OTUB2: variants seen among roughly 807,000 people sequenced by gnomAD.
OTUB2 encodes the protein OTU deubiquitinase, ubiquitin aldehyde binding 2.
Under a neutral mutation model 25.1 loss-of-function variants are expected in OTUB2, and 21 were observed. The ratio of observed to expected loss-of-function variants is 0.84; its 90% CI spans 0.59 to 1.21. The LOEUF is 1.21. Among genes scored for constraint, OTUB2 ranks in the 50% most tolerant of loss-of-function variants. OTUB2 has a pLI of 0.00. For missense variants in OTUB2, 283 were observed against 298.0 expected (o/e 0.95, Z 0.37); for synonymous variants, 122 against 122.8 (o/e 0.99, Z 0.04).
At chr14:94,042,096 A>C (rs1224962849) in intron 3 of OTUB2, among the ~76,000 whole-genome samples, 8 of 152,238 alleles carry the variant, frequency 5.3e-5, no homozygotes, top group African/African-American at 1.4e-4. Flanking sequence ...TGCTTGTTCC[A>C]GCCCTGTATC....
At chr14:94,037,290 G>A (rs1885073112) in intron 1 of OTUB2, 90 bp from the exon 2 acceptor site, 4 of 822,094 alleles carry the variant, frequency 4.9e-6, no homozygotes, top group Non-Finnish European at 8.0e-6. Flanking sequence ...ATTGTTGTCT[G>A]TAACCGGCAG....
chr14:94,041,564 T>C (rs765973054), intron 3 of OTUB2, among the ~76,000 whole-genome samples: 3 of 152,106 alleles, frequency 2.0e-5, no homozygotes, highest in Non-Finnish European at 4.4e-5. Flanking sequence ...TGCATCTTCT[T>C]AACACAAAAA....
intron 1 of OTUB2, among the ~76,000 whole-genome samples, chr14:94,026,775 G>A (rs1884871006): frequency 6.6e-6 from 1 of 152,262 alleles, no homozygotes. Flanking sequence ...TCGGCCCCGA[G>A]CCCCCGCCCC....
rs1885301286 is a variant in OTUB2 at position 94,047,497 on chromosome 14, T to C, written c.*1575T>C. 6.6e-6 allele frequency: 1 copy of C among 152,228 alleles called. No homozygotes were observed. Among genetic ancestry groups the C allele is most frequent in the African/African-American group, 2.4e-5 (1 of 41,462 alleles). The allele number at this position is 152,228 out of a possible 1,614,324, so 9.4% of individuals were successfully genotyped here. A position where few individuals can be genotyped will look rare whatever the true frequency, so the allele number is the denominator to read the frequency against. On this transcript the variant is annotated 3_prime_UTR_variant, in exon 6 of 6. Transcript: ENST00000203664. ...ATTATGTCACTTTTTCACAGGAATG[T>C]AAATTTGACTGTCACCTCTGAATTT...
At chr14:94,036,018 T>C (rs1885048863) in intron 1 of OTUB2, among the ~76,000 whole-genome samples, 2 of 152,210 alleles carry the variant, frequency 1.3e-5, no homozygotes. Flanking sequence ...CATTTAGGCC[T>C]CATTATCTAA....
intron 1 of OTUB2, among the ~76,000 whole-genome samples, chr14:94,032,305 G>A (rs1426758770): frequency 6.6e-6 from 1 of 152,156 alleles, no homozygotes; most frequent in Non-Finnish European, 1.5e-5. Context: ...CTCTTAAATA[G>A]TGTGGAGTAA....
chr14:94,026,595 G>T, intron 1 of OTUB2, 55 bp downstream of exon 1: 1 of 1,214,334 alleles, frequency 8.2e-7, no homozygotes, highest in South Asian at 3.9e-5. Flanking sequence ...GCGGTGGGCG[G>T]GGTCGCTGCC....
intron 1 of OTUB2, among the ~76,000 whole-genome samples, chr14:94,034,911 G>A (rs1265051457): frequency 6.6e-6 from 1 of 152,224 alleles, no homozygotes; most frequent in East Asian, 1.9e-4. Flanking sequence ...TGCAAGGGAG[G>A]CTAGGAAAAT....
intron 1 of OTUB2, among the ~76,000 whole-genome samples, chr14:94,033,471 A>C (rs150292578): frequency 1.8e-3 from 270 of 152,222 alleles, no homozygotes; most frequent in African/African-American, 6.3e-3. Context: ...CTCCTCAGAC[A>C]CCCTGCAGAG....
rs1223979822 is a variant in OTUB2, at chr14:94,026,344, C to A, written c.-194C>A. ...CCCGCCTGAGACGTCAATCGCAGGG[C>A]GTGTGTCTTGCTGGGACACAGTGGA... On this transcript the variant is annotated 5_prime_UTR_variant, in exon 1 of 6. Transcript: ENST00000203664. 5 of 1,225,250 alleles carry A rather than the reference C, an allele frequency of 4.1e-6. No individual in the cohort carries two copies. Among genetic ancestry groups the A allele is most frequent in the East Asian group, 6.4e-5 (2 of 31,330 alleles). The allele number at this position is 1,225,250 out of a possible 1,614,324, so 75.9% of individuals were successfully genotyped here. A position where few individuals can be genotyped will look rare whatever the true frequency, so the allele number is the denominator to read the frequency against.
chr14:94,033,863 C>T (rs1885003245), intron 1 of OTUB2, among the ~76,000 whole-genome samples: 1 of 152,138 alleles, frequency 6.6e-6, no homozygotes, highest in Non-Finnish European at 1.5e-5. Context: ...AGTATGAGGG[C>T]CAAATTAATT....
At chr14:94,034,391 GAATGTTCCTTTGTGTTTA>G (rs1885012633) in intron 1 of OTUB2, among the ~76,000 whole-genome samples, 1 of 152,192 alleles carries the variant, frequency 6.6e-6, no homozygotes, top group South Asian at 2.1e-4. Flanking sequence ...GCCCTGTGTG[GAATGTTCCTTTGTGTTTA>G]GCAGCCTTGG....
At chr14:94,037,527 G>T in intron 2 of OTUB2, 52 bp downstream of exon 2, 2 of 1,384,554 alleles carry the variant, frequency 1.4e-6, no homozygotes, top group African/African-American at 1.4e-5. Flanking sequence ...GGCTGGAGTT[G>T]GGAGTGTAAT....
At chr14:94,036,325 A>C (rs894039218) in intron 1 of OTUB2, among the ~76,000 whole-genome samples, 5 of 152,210 alleles carry the variant, frequency 3.3e-5, no homozygotes, top group Non-Finnish European at 7.3e-5. Context: ...CCCAATTAAC[A>C]GTGACCATCC....
In OTUB2 at chr14:94,038,868, T is replaced by C. The variant is rs1191927139; in HGVS notation, c.100-95T>C. ...CTGAAGGGAGGGAGCAGACATTTCC[T>C]GGGAGAGATGGGGGGCACCTGGCCA... On this transcript the variant is annotated intron_variant, in intron 2 of 5. Transcript: ENST00000203664. 15 of 1,071,504 alleles carry C rather than the reference T, an allele frequency of 1.4e-5. No individual in the cohort carries two copies. The Admixed American group carries it at 2.2e-4, about 16-fold the overall frequency. The allele number at this position is 1,071,504 out of a possible 1,614,324, so 66.4% of individuals were successfully genotyped here. A position where few individuals can be genotyped will look rare whatever the true frequency, so the allele number is the denominator to read the frequency against.
chr14:94,038,087 C>T (rs551808472), intron 2 of OTUB2, among the ~76,000 whole-genome samples: 17 of 152,382 alleles, frequency 1.1e-4, no homozygotes, highest in African/African-American at 3.8e-4. Context: ...CTGGCACTGG[C>T]CCCACAGGCC....
intron 1 of OTUB2, among the ~76,000 whole-genome samples, chr14:94,033,636 A>G: frequency 6.6e-6 from 1 of 152,244 alleles, no homozygotes; most frequent in Non-Finnish European, 1.5e-5. Context: ...TGTATAAACA[A>G]CAAGGCTTTT....
chr14:94,039,087 T>A lies in OTUB2; in HGVS notation c.218+6T>A, dbSNP rs1885112041. 1 of 1,611,616 alleles carries A rather than the reference T, an allele frequency of 6.2e-7. No homozygotes were observed. Among genetic ancestry groups the A allele is most frequent in the East Asian group, 2.2e-5 (1 of 44,846 alleles). ...AAGAGCAGGGAGATCTTCAAGTGAG[T>A]GCCGGGGCCCCTTGGCCTGTCAGGG... is the stretch of plus-strand genomic sequence containing the variant. On this transcript the variant is annotated splice_donor_region_variant and intron_variant, in intron 3 of 5. Transcript: ENST00000203664.
chr14:94,031,683 C>A (rs892142153), intron 1 of OTUB2, among the ~76,000 whole-genome samples: 3 of 152,178 alleles, frequency 2.0e-5, no homozygotes, highest in Non-Finnish European at 1.5e-5. Context: ...CACGTCCTTG[C>A]GCTTTCTGCT....
Sources: allele counts gnomAD v4.1 joint callset (sites outside exome capture counted in the v4.1 genomes callset), GRCh38; gene constraint gnomAD v4.1.1; transcripts MANE v1.5; gene names NCBI Gene and HGNC (gene_info 2026-07-23, HGNC 2026-07-21).